The following LDB3 variants were observed in gnomAD, a reference collection of about 807,000 sequenced individuals.
LDB3 encodes the protein LIM domain binding 3, also known as LIM domain-binding protein 3.
LDB3 carries 49 observed loss-of-function variants against 69.0 expected under a neutral mutation model. The ratio of observed to expected loss-of-function variants is 0.71; its 90% CI spans 0.56 to 0.90. LDB3 has a LOEUF of 0.90. Ranked by LOEUF, LDB3 falls within the 40% of genes least tolerant of loss-of-function variation. The pLI is 0.00. For missense variants in LDB3, 928 were observed against 974.1 expected (o/e 0.95, Z 0.63); for synonymous variants, 387 against 396.2 (o/e 0.98, Z 0.28).
At chr10:86,689,397 C>T (rs1845654246) in intron 5 of LDB3, among the ~76,000 whole-genome samples, 1 of 152,210 alleles carries the variant, frequency 6.6e-6, no homozygotes, top group African/African-American at 2.4e-5. Context: ...CCACGCTCCT[C>T]CTCACACCCA....
intron 12 of LDB3, among the ~76,000 whole-genome samples, chr10:86,719,650 G>A (rs549696806): frequency 3.0e-4 from 46 of 152,276 alleles, no homozygotes; most frequent in Non-Finnish European, 6.2e-4. Flanking sequence ...CAGAGAAGGC[G>A]TGTAGAGCAT....
intron 7 of LDB3, among the ~76,000 whole-genome samples, chr10:86,698,383 T>TG (rs1846100693): frequency 6.6e-6 from 1 of 152,230 alleles, no homozygotes; most frequent in Non-Finnish European, 1.5e-5. Flanking sequence ...TGTGGCTGGA[T>TG]GGGGCCCTTT....
intron 2 of LDB3, among the ~76,000 whole-genome samples, chr10:86,671,186 C>T (rs971607181): frequency 3.3e-5 from 5 of 152,230 alleles, no homozygotes; most frequent in African/African-American, 1.2e-4. Context: ...AACTGAGGCT[C>T]GAGTCTGCTC....
chr10:86,688,484 C>G (rs1225630229), intron 5 of LDB3, among the ~76,000 whole-genome samples: 1 of 152,208 alleles, frequency 6.6e-6, no homozygotes, highest in South Asian at 2.1e-4. Flanking sequence ...AGTACTTCCT[C>G]TAGGCCACCA....
In LDB3 at chr10:86,716,351, C is replaced by A. The variant is rs368888118; in HGVS notation, c.1256C>A (p.Ser419Tyr). ...GTGCCTGCATCTACCTACAGCCCGT[C>A]CCCAGGGGCCAATTACAGTCCCACT... is the stretch of plus-strand genomic sequence containing the variant. The part of the protein sequence containing the change: ...QPVPASTYSP[S>Y]PGANYSPTPY... Residue 419 changes from serine to tyrosine, a missense_variant, in exon 10 of 14, where the codon TCC becomes TAC. Coordinates refer to ENST00000361373, the MANE Select transcript of LDB3 (RefSeq NM_007078.3). The A allele has an allele frequency of 5.0e-6, 8 of 1,611,130 alleles. No individual in the cohort carries two copies. The African/African-American group carries it at 1.1e-4, about 22-fold the overall frequency.
rs199801766 is a variant in LDB3, at chr10:86,681,529, A to G, written c.415A>G (p.Arg139Gly). ...SPGTPGTPEL[R>G]PTFSPAFSRP... is the part of the protein sequence containing the mutation. ...AGGCACCCCAGGCACCCCGGAGCTC[A>G]GGCCCACCTTTAGCCCTGCCTTCTC... Residue 139 changes from arginine to glycine, a missense_variant, in exon 5 of 14, where the codon AGG becomes GGG. Transcript: ENST00000361373. 14 of 1,612,442 alleles carry G rather than the reference A, an allele frequency of 8.7e-6. No homozygotes were observed. Among genetic ancestry groups the G allele is most frequent in the Admixed American group, 5.0e-5 (3 of 60,010 alleles).
Position 86,679,352 on chromosome 10 carries a change from C to G in LDB3, c.94-15C>G. 6.2e-7 allele frequency: 1 copy of G among 1,614,132 alleles called. No homozygotes were observed. The highest frequency in any genetic ancestry group is 8.5e-7 in the Non-Finnish European group (1 of 1,180,040). On this transcript the variant is annotated splice_polypyrimidine_tract_variant and intron_variant, in intron 2 of 13. Transcript: ENST00000361373. ...CCTTCCTTATGCTCACCCCCCACCT[C>G]CACTATCCAATCAGATCACACCAGG...
Position 86,716,662 on chromosome 10 carries a change from C to G in LDB3, c.1567C>G (p.Pro523Ala), listed in dbSNP as rs794729062. Residue 523 changes from proline (P) to alanine (A), a missense_variant, in exon 10 of 14, where the codon CCA (proline) becomes GCA (alanine). Pro to Ala is a conservative substitution (Grantham distance 27). Coordinates refer to ENST00000361373, the MANE Select transcript of LDB3 (RefSeq NM_007078.3). The part of the protein sequence containing the change: ...TLPRGGPAYT[P>A]AGPQVPPLAR... Reference sequence around the variant, plus strand: ...GCCCCGGGGAGGCCCAGCCTACACCCCAGCGGGTCCTCAGGTGCCACCACT... The same window carrying G: ...GCCCCGGGGAGGCCCAGCCTACACCGCAGCGGGTCCTCAGGTGCCACCACT... 2.7e-5 allele frequency: 44 copies of G among 1,613,898 alleles called. No homozygotes were observed. Among genetic ancestry groups the G allele is most frequent in the Non-Finnish European group, 3.6e-5 (42 of 1,180,010 alleles).
intron 12 of LDB3, among the ~76,000 whole-genome samples, chr10:86,724,553 G>A (rs960423841): frequency 7.3e-5 from 11 of 151,332 alleles, no homozygotes; most frequent in African/African-American, 2.4e-4. Flanking sequence ...GCAGTGAGCC[G>A]ACATCATGCC....
At chr10:86,690,880 G>A (rs1845725082) in intron 5 of LDB3, among the ~76,000 whole-genome samples, 1 of 152,218 alleles carries the variant, frequency 6.6e-6, no homozygotes, top group Admixed American at 6.5e-5. Flanking sequence ...CTTATCTGCT[G>A]TAACCTGGAG....
At chr10:86,674,404 C>G (rs1844656741) in intron 2 of LDB3, among the ~76,000 whole-genome samples, 1 of 152,138 alleles carries the variant, frequency 6.6e-6, no homozygotes, top group South Asian at 2.1e-4. Flanking sequence ...ACAAGTGGCT[C>G]TGGCACCAGC....
chr10:86,682,799 C>A (rs538815212), intron 5 of LDB3, among the ~76,000 whole-genome samples: 4 of 152,330 alleles, frequency 2.6e-5, no homozygotes, highest in African/African-American at 9.6e-5. Flanking sequence ...CACCTGGTAT[C>A]ATCACTGCCT....
rs1846592192 is a variant in LDB3, at chr10:86,710,179, C to T, written c.1231+129C>T. 2.0e-5 allele frequency: 31 copies of T among 1,529,182 alleles called. 1 individual carries two copies. In the South Asian group the frequency reaches 3.7e-4, roughly 18 times the overall value. 94.7% of individuals were successfully genotyped at this position (1,529,182 alleles called of 1,614,324 possible). On this transcript the variant is annotated intron_variant, in intron 9 of 13. Coordinates refer to ENST00000361373, the MANE Select transcript of LDB3 (RefSeq NM_007078.3). ...GAAGCAAGGCCTTGCTAATGATGCT[C>T]CGCCCTCCGTCCCCTAGCTGTGGGT...
At chr10:86,710,148 G>T (rs1037138576) in intron 9 of LDB3, 98 bp downstream of exon 9, 9 of 1,554,500 alleles carry the variant, frequency 5.8e-6, no homozygotes, top group Non-Finnish European at 6.1e-6. Context: ...ATCCCCAGAA[G>T]AATGGGAAGC....
Position 86,699,298 on chromosome 10 carries a change from G to T in LDB3, c.896+6727G>T. On this transcript the variant is annotated intron_variant, in intron 7 of 13. Coordinates refer to ENST00000361373, the MANE Select transcript of LDB3 (RefSeq NM_007078.3). This position sits in a 1 kb window ranked among gnomAD's most constrained non-coding sequence, Gnocchi z 4.9. ...CACAGGGAAAGGTTTGAAACGGAAC[G>T]TAACAGCCCACGTTTTGCCAAATTG... is the stretch of plus-strand genomic sequence containing the variant. 4 of 1,613,296 alleles carry T rather than the reference G, an allele frequency of 2.5e-6. No individual in the cohort carries two copies. The South Asian group carries it at 3.3e-5, about 13-fold the overall frequency.
At chr10:86,713,204 T>A (rs1846733971) in intron 9 of LDB3, among the ~76,000 whole-genome samples, 1 of 152,204 alleles carries the variant, frequency 6.6e-6, no homozygotes, top group African/African-American at 2.4e-5. Flanking sequence ...ATCGGCCACG[T>A]AGCACTATGT....
At chr10:86,731,723 T>C (rs1191470752) in intron 13 of LDB3, among the ~76,000 whole-genome samples, 1 of 152,140 alleles carries the variant, frequency 6.6e-6, no homozygotes, top group Non-Finnish European at 1.5e-5. Context: ...CACATCTCAA[T>C]GGTTCTTGTT....
At chr10:86,731,098 T>G (rs1847438984) in intron 13 of LDB3, among the ~76,000 whole-genome samples, 1 of 147,096 alleles carries the variant, frequency 6.8e-6, no homozygotes, top group African/African-American at 2.5e-5. Context: ...GAGGTTGCAG[T>G]GAGCTGAGAT....
chr10:86,723,197 G>A (rs1217160116), intron 12 of LDB3, among the ~76,000 whole-genome samples: 1 of 143,160 alleles, frequency 7.0e-6, no homozygotes, highest in African/African-American at 2.6e-5. Flanking sequence ...TTGAGCCCAG[G>A]AAGTTGAGGT....
Sources: allele counts gnomAD v4.1 joint callset (sites outside exome capture counted in the v4.1 genomes callset), GRCh38; gene constraint gnomAD v4.1.1; non-coding constraint Gnocchi (gnomAD v3.1); transcripts MANE v1.5; gene names NCBI Gene and HGNC (gene_info 2026-07-23, HGNC 2026-07-21).